Variants in ROR1 observed in about 807,000 individuals in gnomAD.
The protein encoded by ROR1 is inactive tyrosine-protein kinase transmembrane receptor ROR1.
A neutral mutation model predicts 78.8 loss-of-function variants in ROR1; 19 were observed. The observed-to-expected ratio is 0.24, with a 90% CI of 0.17 to 0.35. The LOEUF is 0.35. Among genes scored for constraint, ROR1 ranks in the 10% least tolerant of loss-of-function variants. The pLI is 1.00. For synonymous variants in ROR1, 386 were observed against 433.6 expected, an observed-to-expected ratio of 0.89 and a Z score of 1.36; for missense variants, 917 against 1,177.8, an observed-to-expected ratio of 0.78 and a Z score of 3.24.
In ROR1 at chr1:63,880,259, G is replaced by A. The variant is rs539318597; in HGVS notation, c.91+105751G>A. ...CTATTAGTATTGCTGATTAAAGAAT[G>A]CCAAGGAATTAATAAGCATGGAAAG... is the stretch of plus-strand genomic sequence containing the variant. On this transcript the variant is annotated intron_variant, in intron 1 of 8. Coordinates refer to ENST00000371079, the MANE Select transcript of ROR1 (RefSeq NM_005012.4). 2.0e-5 allele frequency among the ~76,000 whole-genome samples: 3 copies of A among 152,306 alleles called. No homozygotes were observed. The East Asian group carries it at 5.8e-4, about 29-fold the overall frequency.
intron 1 of ROR1, among the ~76,000 whole-genome samples, chr1:63,976,976 G>A (rs1646166533): frequency 6.6e-6 from 1 of 152,156 alleles, no homozygotes; most frequent in Admixed American, 6.6e-5. Context: ...CGCATATCTG[G>A]GGAAGCCTCA....
intron 1 of ROR1, among the ~76,000 whole-genome samples, chr1:63,861,226 A>T (rs1315017377): frequency 6.6e-6 from 1 of 152,208 alleles, no homozygotes; most frequent in Non-Finnish European, 1.5e-5. Flanking sequence ...CAGCAGAAAA[A>T]GAATGTTATT....
At chr1:64,002,543 T>C (rs1646393804) in intron 1 of ROR1, among the ~76,000 whole-genome samples, 1 of 152,194 alleles carries the variant, frequency 6.6e-6, no homozygotes, top group African/African-American at 2.4e-5. Flanking sequence ...TATGATAGTT[T>C]TAAAGTAATA....
intron 7 of ROR1, chr1:64,142,936 T>G: frequency 8.3e-7 from 1 of 1,211,930 alleles, no homozygotes; most frequent in Non-Finnish European, 1.0e-6. Context: ...TTTATCACAT[T>G]GATTTTTATA....
At chr1:64,170,049 T>G (rs1650193210) in intron 8 of ROR1, among the ~76,000 whole-genome samples, 1 of 152,186 alleles carries the variant, frequency 6.6e-6, no homozygotes. Context: ...AGACTCACAG[T>G]GCAAGCTGTT....
intron 1 of ROR1, among the ~76,000 whole-genome samples, chr1:63,800,734 G>A (rs901909715): frequency 1.3e-5 from 2 of 152,142 alleles, no homozygotes; most frequent in Non-Finnish European, 2.9e-5. Flanking sequence ...AGATCCTCAG[G>A]TAATTCATCT....
intron 4 of ROR1, among the ~76,000 whole-genome samples, chr1:64,127,206 A>G (rs929567098): frequency 5.9e-5 from 9 of 152,168 alleles, no homozygotes; most frequent in African/African-American, 2.2e-4. Context: ...TCACTAAATC[A>G]TATATGTACA....
chr1:63,779,274 G>T (rs539030479), intron 1 of ROR1, among the ~76,000 whole-genome samples: 99 of 152,326 alleles, frequency 6.5e-4, no homozygotes, highest in African/African-American at 2.3e-3. Flanking sequence ...GTGGTTGTAG[G>T]CTGAGAAGGC....
intron 1 of ROR1, among the ~76,000 whole-genome samples, chr1:63,912,885 A>C (rs1373360689): frequency 6.6e-6 from 1 of 152,224 alleles, no homozygotes; most frequent in Non-Finnish European, 1.5e-5. Context: ...AGTTGGGATT[A>C]ACAAAACAAA....
chr1:63,777,936 T>C (rs1272653149), intron 1 of ROR1, among the ~76,000 whole-genome samples: 1 of 152,240 alleles, frequency 6.6e-6, no homozygotes, highest in Admixed American at 6.5e-5. Flanking sequence ...TTCTGATATA[T>C]GCTTTGCTTA....
chr1:64,046,496 C>T (rs550478094), intron 2 of ROR1, among the ~76,000 whole-genome samples: 1 of 152,334 alleles, frequency 6.6e-6, no homozygotes, highest in Non-Finnish European at 1.5e-5. Context: ...AGGTGCCCTG[C>T]AACCCTCATG....
chr1:64,130,602 C>G (rs1384406588), intron 4 of ROR1, among the ~76,000 whole-genome samples: 1 of 152,106 alleles, frequency 6.6e-6, no homozygotes, highest in African/African-American at 2.4e-5. Flanking sequence ...AAGTGATGCC[C>G]CCTCCTCCTG....
intron 1 of ROR1, among the ~76,000 whole-genome samples, chr1:63,793,355 A>G (rs1380951357): frequency 6.6e-6 from 1 of 152,256 alleles, no homozygotes; most frequent in Non-Finnish European, 1.5e-5. Context: ...ACAGTTAATA[A>G]TAATCTATTA....
At chr1:63,841,788 A>C (rs1645051205) in intron 1 of ROR1, among the ~76,000 whole-genome samples, 1 of 152,230 alleles carries the variant, frequency 6.6e-6, no homozygotes, top group Non-Finnish European at 1.5e-5. Flanking sequence ...TTTAAGGATG[A>C]ATATGATGGT....
chr1:63,913,812 C>T (rs1645589221), intron 1 of ROR1, among the ~76,000 whole-genome samples: 1 of 152,166 alleles, frequency 6.6e-6, no homozygotes, highest in African/African-American at 2.4e-5. Context: ...ATGGCATGAC[C>T]AAGGTGATTC....
chr1:63,978,193 AAGG>A (rs1335061321), intron 1 of ROR1, among the ~76,000 whole-genome samples: 6 of 152,200 alleles, frequency 3.9e-5, no homozygotes, highest in Non-Finnish European at 5.9e-5. Flanking sequence ...TGCATCCGGG[AAGG>A]AGAAGAGGAA....
chr1:64,133,924 G>A (rs1362656819), intron 4 of ROR1, among the ~76,000 whole-genome samples: 1 of 152,244 alleles, frequency 6.6e-6, no homozygotes, highest in South Asian at 2.1e-4. Context: ...CAAAGCCAGT[G>A]GGGAAAAATG....
chr1:64,154,535 A>C (rs1174409238), intron 7 of ROR1, among the ~76,000 whole-genome samples: 1 of 152,206 alleles, frequency 6.6e-6, no homozygotes, highest in Non-Finnish European at 1.5e-5. Flanking sequence ...CACTTTATTA[A>C]AAGTACCTCT....
At chr1:64,045,312 A>G (rs1032766005) in intron 2 of ROR1, among the ~76,000 whole-genome samples, 2 of 132,912 alleles carry the variant, frequency 1.5e-5, no homozygotes, top group Non-Finnish European at 3.2e-5. Context: ...GTTTTAAGAC[A>G]ATAATAGATA....
Sources: allele counts gnomAD v4.1 joint callset (sites outside exome capture counted in the v4.1 genomes callset), GRCh38; gene constraint gnomAD v4.1.1; transcripts MANE v1.5; gene names NCBI Gene and HGNC (gene_info 2026-07-23, HGNC 2026-07-21).